ASTN1: variants seen among roughly 807,000 people sequenced by gnomAD.
The protein encoded by ASTN1 is astrotactin 1, also known as astrotactin-1.
ASTN1 carries 41 observed loss-of-function variants against 140.7 expected under a neutral mutation model. The observed-to-expected ratio is 0.29, with a 90% CI of 0.23 to 0.38. ASTN1 has a LOEUF of 0.38. Among genes scored for constraint, ASTN1 ranks in the 10% least tolerant of loss-of-function variants. ASTN1 has a pLI of 1.00. For synonymous variants in ASTN1, 640 were observed against 652.2 expected (o/e 0.98, Z 0.29); for missense variants, 1,479 against 1,678.8 (o/e 0.88, Z 2.08).
At chr1:176,922,362 T>G (rs1670764201) in intron 16 of ASTN1, among the ~76,000 whole-genome samples, 1 of 152,034 alleles carries the variant, frequency 6.6e-6, no homozygotes, top group South Asian at 2.1e-4. Context: ...TGGGCACTTT[T>G]ATTTTTCCCA....
chr1:176,874,964 C>T (rs918563574), intron 21 of ASTN1, among the ~76,000 whole-genome samples: 11 of 152,120 alleles, frequency 7.2e-5, no homozygotes, highest in African/African-American at 2.7e-4. Context: ...AGTGACCTAA[C>T]AGTGGACAAA....
At chr1:176,931,724 A>G (rs1428031234) in intron 16 of ASTN1, among the ~76,000 whole-genome samples, 1 of 152,220 alleles carries the variant, frequency 6.6e-6, no homozygotes, top group Non-Finnish European at 1.5e-5. Context: ...CCTCAGGGGA[A>G]CTTTTACACC....
chr1:176,871,935 C>CT (rs1668361385), intron 21 of ASTN1, among the ~76,000 whole-genome samples: 1 of 152,062 alleles, frequency 6.6e-6, no homozygotes, highest in Non-Finnish European at 1.5e-5. Flanking sequence ...GGCAAAGAGC[C>CT]TGTCTACACA....
intron 16 of ASTN1, among the ~76,000 whole-genome samples, chr1:176,927,385 T>C (rs1387883555): frequency 1.3e-5 from 2 of 151,312 alleles, no homozygotes; most frequent in East Asian, 1.9e-4. Context: ...AAAGCAACAA[T>C]GAAAGTGATA....
chr1:176,885,166 G>A (rs1571456831), intron 18 of ASTN1, among the ~76,000 whole-genome samples: 2 of 152,192 alleles, frequency 1.3e-5, no homozygotes, highest in East Asian at 3.9e-4. Flanking sequence ...TGCTTGCCCA[G>A]ATTCTGATTT....
intron 20 of ASTN1, among the ~76,000 whole-genome samples, chr1:176,878,739 G>T (rs576255606): frequency 6.6e-6 from 1 of 151,946 alleles, no homozygotes; most frequent in African/African-American, 2.4e-5. Flanking sequence ...TCAAGAAGGC[G>T]CCCAAAGGTA....
At chr1:177,015,187 A>T (rs1304366472) in intron 7 of ASTN1, among the ~76,000 whole-genome samples, 1 of 152,224 alleles carries the variant, frequency 6.6e-6, no homozygotes, top group Non-Finnish European at 1.5e-5. Context: ...GGACTTTTTC[A>T]TCTTTATTTT....
At chr1:177,113,189 A>G (rs1316729323) in intron 1 of ASTN1, among the ~76,000 whole-genome samples, 2 of 152,018 alleles carry the variant, frequency 1.3e-5, no homozygotes, top group South Asian at 2.1e-4. Context: ...CAGTCAATTC[A>G]CCACAGGAAA....
chr1:176,869,629 A>G (rs545784817), intron 21 of ASTN1, among the ~76,000 whole-genome samples: 1 of 152,346 alleles, frequency 6.6e-6, no homozygotes, highest in East Asian at 1.9e-4. Flanking sequence ...GAGAGGATGT[A>G]TGAACTGCTG....
At position 176,864,258 on chromosome 1, in the gene ASTN1, G is replaced by A. The variant is rs1348998352; in HGVS notation, c.*26C>T. The A allele has an allele frequency of 1.9e-6, 3 of 1,606,934 alleles. No homozygotes were observed. The highest frequency in any genetic ancestry group is 2.6e-6 in the Non-Finnish European group (3 of 1,175,684). On this transcript the variant is annotated 3_prime_UTR_variant, in exon 23 of 23. Coordinates refer to ENST00000361833, the MANE Select transcript of ASTN1 (RefSeq NM_004319.3). ...TCCCTCCTCTTTCCTACTTCATTCT[G>A]GCAGCAGCTCCCTGGCCTTATGGTG...
chr1:177,084,574 T>C (rs1037727961), intron 1 of ASTN1, among the ~76,000 whole-genome samples: 29 of 152,272 alleles, frequency 1.9e-4, no homozygotes, highest in African/African-American at 6.3e-4. Flanking sequence ...TTTCATACTC[T>C]TTCCATCTTA....
intron 11 of ASTN1, among the ~76,000 whole-genome samples, chr1:176,950,229 A>C (rs984179329): frequency 2.0e-5 from 3 of 152,196 alleles, no homozygotes; most frequent in African/African-American, 7.2e-5. Context: ...TGTGATCCTC[A>C]CAACACCCCC....
At chr1:177,092,568 A>G (rs1292571185) in intron 1 of ASTN1, among the ~76,000 whole-genome samples, 1 of 152,158 alleles carries the variant, frequency 6.6e-6, no homozygotes, top group Non-Finnish European at 1.5e-5. Context: ...TTTAAGATCC[A>G]TTGCTTAATC....
intron 11 of ASTN1, among the ~76,000 whole-genome samples, chr1:176,952,939 G>T (rs547905045): frequency 2.6e-5 from 4 of 152,232 alleles, no homozygotes; most frequent in African/African-American, 9.6e-5. Context: ...GGCTTAAGAA[G>T]AAAACTCCAT....
chr1:176,952,026 T>A (rs1232340373), intron 11 of ASTN1, among the ~76,000 whole-genome samples: 1 of 152,162 alleles, frequency 6.6e-6, no homozygotes, highest in Non-Finnish European at 1.5e-5. Context: ...GCCTAGATTG[T>A]CTGTCCTGAA....
Position 176,862,307 on chromosome 1 carries a change from C to G in ASTN1, c.*1977G>C. ...AAGGAGAGAGGAGAGTGAAACCACC[C>G]TGTGCTTTATCTCAGCCTCATCACA... On this transcript the variant is annotated 3_prime_UTR_variant, in exon 23 of 23. Transcript: ENST00000361833. 1 of 985,444 alleles carries G rather than the reference C, an allele frequency of 1.0e-6. No homozygotes were observed. Among genetic ancestry groups the G allele is most frequent in the Middle Eastern group, 5.2e-4 (1 of 1,914 alleles). The allele number at this position is 985,444 out of a possible 1,614,324, so 61.0% of individuals were successfully genotyped here. A position where few individuals can be genotyped will look rare whatever the true frequency, so the allele number is the denominator to read the frequency against.
At chr1:176,867,959 TTTCC>T (rs373950628) in intron 22 of ASTN1, among the ~76,000 whole-genome samples, 129 of 151,630 alleles carry the variant, frequency 8.5e-4, no homozygotes, top group African/African-American at 3.0e-3. Context: ...TGCTTCCTTC[TTTCC>T]TTCCTTCCTT....
intron 1 of ASTN1, among the ~76,000 whole-genome samples, chr1:177,083,150 A>G (rs894836150): frequency 1.3e-4 from 20 of 152,118 alleles, no homozygotes; most frequent in Non-Finnish European, 1.8e-4. Flanking sequence ...GAGGCAAGAT[A>G]GTCTCATTTT....
At chr1:177,072,752 C>T (rs564575712) in intron 1 of ASTN1, among the ~76,000 whole-genome samples, 3 of 152,230 alleles carry the variant, frequency 2.0e-5, no homozygotes, top group East Asian at 1.9e-4. Context: ...ACATGAATAA[C>T]GTCTTTCAGA....
Sources: allele counts gnomAD v4.1 joint callset (sites outside exome capture counted in the v4.1 genomes callset), GRCh38; gene constraint gnomAD v4.1.1; transcripts MANE v1.5; gene names NCBI Gene and HGNC (gene_info 2026-07-23, HGNC 2026-07-21).